Variants in ADAM19 observed in about 807,000 individuals in gnomAD.
The protein encoded by ADAM19 is disintegrin and metalloproteinase domain-containing protein 19.
In ADAM19, 65 loss-of-function variants were observed where a neutral mutation model predicts 114.7. That is an observed-to-expected ratio of 0.57 (90% CI 0.46 to 0.70). ADAM19 has a LOEUF of 0.70. ADAM19 is among the 30% of genes least tolerant of loss of function. The probability of loss-of-function intolerance (pLI) is 0.00; values close to 1 mark genes in which losing one functional copy is unlikely to be tolerated. For missense variants in ADAM19, 1,063 were observed against 1,204.7 expected (o/e 0.88, Z 1.74); for synonymous variants, 466 against 460.5 (o/e 1.01, Z -0.15).
chr5:157,557,200 A>G (rs1044350709), intron 3 of ADAM19, among the ~76,000 whole-genome samples: 2 of 152,164 alleles, frequency 1.3e-5, no homozygotes, highest in African/African-American at 2.4e-5. Flanking sequence ...GCGCCACTGC[A>G]CCTGGCCAAG....
At chr5:157,489,849 T>C (rs1755088367) in intron 19 of ADAM19, among the ~76,000 whole-genome samples, 2 of 152,158 alleles carry the variant, frequency 1.3e-5, no homozygotes, top group African/African-American at 4.8e-5. Context: ...TAGCTGGGTA[T>C]GGTGGCATGC....
intron 13 of ADAM19, among the ~76,000 whole-genome samples, chr5:157,498,081 C>T (rs371611118): frequency 1.3e-5 from 2 of 152,178 alleles, no homozygotes; most frequent in African/African-American, 2.4e-5. Context: ...AACCAGATGC[C>T]GTGCACATTC....
At chr5:157,560,560 C>G (rs1391720013) in intron 3 of ADAM19, among the ~76,000 whole-genome samples, 1 of 152,222 alleles carries the variant, frequency 6.6e-6, no homozygotes. Context: ...GAGCAGAAGA[C>G]TGTCTTCATG....
chr5:157,493,313 T>A lies in ADAM19; in HGVS notation c.1704-136A>T, dbSNP rs577805994. ...GGGGCAAAGGTTTAGGGCAGTCATG[T>A]GCTTTGGAACCCACCAGGAGAGATT... On this transcript the variant is annotated intron_variant, in intron 15 of 22. Coordinates refer to ENST00000257527, the MANE Select transcript of ADAM19 (RefSeq NM_033274.5). 1.9e-5 allele frequency: 16 copies of A among 851,486 alleles called. No homozygotes were observed. In the African/African-American group the frequency reaches 2.4e-4, roughly 13 times the overall value. 52.7% of individuals were successfully genotyped at this position (851,486 alleles called of 1,614,324 possible).
At chr5:157,553,672 A>T (rs1437696069) in intron 3 of ADAM19, among the ~76,000 whole-genome samples, 1 of 152,236 alleles carries the variant, frequency 6.6e-6, no homozygotes, top group African/African-American at 2.4e-5. Context: ...ATGTGCTTAA[A>T]GATTATGTAC....
chr5:157,528,092 T>C (rs892849657), intron 5 of ADAM19, among the ~76,000 whole-genome samples: 4 of 152,206 alleles, frequency 2.6e-5, no homozygotes, highest in African/African-American at 9.6e-5. Flanking sequence ...GGGAGGCGCC[T>C]AGTGTTTTGA....
chr5:157,510,598 C>A (rs1038670940), intron 8 of ADAM19, among the ~76,000 whole-genome samples: 1 of 152,222 alleles, frequency 6.6e-6, no homozygotes, highest in African/African-American at 2.4e-5. Context: ...CCCAGGCAAC[C>A]GTGCATCTAC....
Position 157,481,850 on chromosome 5 carries a change from G to T in ADAM19, c.2644C>A (p.Leu882Met), listed in dbSNP as rs778722685. The T allele has an allele frequency of 3.1e-6, 5 of 1,589,904 alleles. No individual in the cohort carries two copies. The highest frequency in any genetic ancestry group is 4.3e-6 in the Non-Finnish European group (5 of 1,167,752). ...SLPRPGGASPLRPPGAGPQQS... is the reference protein window; with the variant it reads ...SLPRPGGASPMRPPGAGPQQS... The stretch of plus-strand genomic sequence containing the variant: ...TGAGGGCCAGCACCAGGGGGCCGCA[G>T]TGGGGATGCACCTCCTGGCCTGGGG... Residue 882 changes from leucine (L) to methionine (M), a missense_variant, in exon 22 of 23, where the codon CTG (leucine) becomes ATG (methionine). By Grantham distance (15) the Leu-to-Met change is conservative. Around this residue, in one of 3 missense-constraint regions of ADAM19, gnomAD observed 424 missense variants for 445.5 expected, o/e 0.95. Coordinates refer to ENST00000257527, the MANE Select transcript of ADAM19 (RefSeq NM_033274.5).
chr5:157,502,893 G>A lies in ADAM19; in HGVS notation c.1218C>T (p.Asn406=). ...LQSGGGMCLS[N]MPDTRMLYGG... is the part of the protein sequence containing the mutation. ...CATACAACATCCTGGTGTCTGGCAT[G>A]TTGGAGAGACACATTCCACCACCTG... The change falls in exon 12 of 23, where the codon AAC becomes AAT. Residue 406 remains asparagine, a synonymous_variant. Transcript: ENST00000257527. 2.5e-6 allele frequency: 4 copies of A among 1,614,134 alleles called. No homozygotes were observed. Among genetic ancestry groups the A allele is most frequent in the Non-Finnish European group, 3.4e-6 (4 of 1,180,014 alleles).
chr5:157,555,481 C>G (rs1757342076), intron 3 of ADAM19, among the ~76,000 whole-genome samples: 1 of 152,114 alleles, frequency 6.6e-6, no homozygotes, highest in Non-Finnish European at 1.5e-5. Flanking sequence ...GTTTTTTTCT[C>G]TTGTCATTTT....
chr5:157,491,479 C>T, intron 18 of ADAM19, 136 bp downstream of exon 18: 1 of 663,524 alleles, frequency 1.5e-6, no homozygotes, highest in Non-Finnish European at 2.5e-6. Flanking sequence ...CTTGGTCTGT[C>T]TTTATCCTGA....
intron 9 of ADAM19, 102 bp downstream of exon 9, chr5:157,509,199 T>A: frequency 7.8e-7 from 1 of 1,276,830 alleles, no homozygotes; most frequent in Non-Finnish European, 1.1e-6. Flanking sequence ...AGAATGGCCT[T>A]GTACAACCAA....
intron 3 of ADAM19, among the ~76,000 whole-genome samples, chr5:157,560,264 CAAAAAAAAAAAAAAAAA>C (rs35731498): frequency 1.9e-5 from 1 of 51,708 alleles, no homozygotes; most frequent in Non-Finnish European, 3.7e-5. Flanking sequence ...GACTCCGTCT[CAAAAAAAAAAAAAAAAA>C]AAAAAAAAAA....
intron 7 of ADAM19, among the ~76,000 whole-genome samples, chr5:157,515,644 T>C (rs768897970): frequency 6.6e-6 from 1 of 152,208 alleles, no homozygotes; most frequent in Non-Finnish European, 1.5e-5. Context: ...CCATGGGGTA[T>C]AGTTTGCAGA....
intron 3 of ADAM19, among the ~76,000 whole-genome samples, chr5:157,543,103 A>C (rs1756961419): frequency 6.6e-6 from 1 of 152,154 alleles, no homozygotes; most frequent in Admixed American, 6.6e-5. Context: ...ATCTTATCTC[A>C]GCATTCCTTT....
At chr5:157,513,549 A>G in intron 7 of ADAM19, 44 bp from the exon 8 acceptor site, 5 of 1,521,302 alleles carry the variant, frequency 3.3e-6, no homozygotes, top group Admixed American at 1.7e-5. Context: ...AGAACCTCTC[A>G]CAGGATGCTT....
chr5:157,558,810 G>T (rs1210138223), intron 3 of ADAM19, among the ~76,000 whole-genome samples: 1 of 152,168 alleles, frequency 6.6e-6, no homozygotes, highest in Admixed American at 6.5e-5. Context: ...AATCTGCCCC[G>T]TGTGTTGCTG....
intron 4 of ADAM19, among the ~76,000 whole-genome samples, chr5:157,531,959 G>A (rs141190414): frequency 6.6e-5 from 10 of 152,248 alleles, no homozygotes; most frequent in African/African-American, 2.4e-4. Context: ...CTAGACTCCA[G>A]GACTGTGAGA....
intron 7 of ADAM19, among the ~76,000 whole-genome samples, chr5:157,515,563 C>G (rs1422999490): frequency 6.6e-6 from 1 of 152,172 alleles, no homozygotes; most frequent in South Asian, 2.1e-4. Flanking sequence ...CTGGATAATA[C>G]AGAAACCAAT....
Sources: allele counts gnomAD v4.1 joint callset (sites outside exome capture counted in the v4.1 genomes callset), GRCh38; gene constraint gnomAD v4.1.1; regional missense constraint gnomAD v4.1.1; transcripts MANE v1.5; gene names NCBI Gene and HGNC (gene_info 2026-07-23, HGNC 2026-07-21).